Variants in HM13 observed in about 807,000 individuals in gnomAD.
HM13 encodes the protein histocompatibility minor 13.
Under a neutral mutation model 50.0 loss-of-function variants are expected in HM13, and 18 were observed. That is an observed-to-expected ratio of 0.36 (90% CI 0.25 to 0.53). HM13 has a LOEUF of 0.53. Among genes scored for constraint, HM13 ranks in the 20% least tolerant of loss-of-function variants. HM13 has a pLI of 0.90. For synonymous variants in HM13, 197 were observed against 232.6 expected (o/e 0.85, Z 1.39); for missense variants, 393 against 552.4 (o/e 0.71, Z 2.89).
rs563895381 is a variant in HM13, at chr20:31,566,350, G to A, written c.1034+55G>A. On this transcript the variant is annotated intron_variant, in intron 11 of 12. Transcript: ENST00000398174. ...ATGGGCACCAGTGTGCCTGCTGGCA[G>A]TCAGTGGAACCTGCTGGGGGTATCT... is the stretch of plus-strand genomic sequence containing the variant. The A allele has an allele frequency of 1.8e-4, 251 of 1,423,706 alleles. 3 individuals are homozygous for A. In the South Asian group the frequency reaches 2.8e-3, roughly 16 times the overall value. The allele number at this position is 1,423,706 out of a possible 1,614,324, so 88.2% of individuals were successfully genotyped here.
At chr20:31,538,632 G>A (rs956888273) in intron 3 of HM13, 1 of 1,190,598 alleles carries the variant, frequency 8.4e-7, no homozygotes, top group Non-Finnish European at 1.0e-6. Context: ...CCTCACACAT[G>A]ATCGTGTTTC....
At chr20:31,542,093 C>T (rs1983479548) in intron 3 of HM13, among the ~76,000 whole-genome samples, 1 of 152,240 alleles carries the variant, frequency 6.6e-6, no homozygotes, top group Admixed American at 6.5e-5. Context: ...GAGAGCTGCA[C>T]CCGAGCTGTG....
chr20:31,539,516 G>A (rs1311822595), intron 3 of HM13: 2 of 985,372 alleles, frequency 2.0e-6, no homozygotes, highest in African/African-American at 3.5e-5. Context: ...GCCAATATGA[G>A]GCCAGGTGGT....
intron 1 of HM13, among the ~76,000 whole-genome samples, chr20:31,515,618 C>A (rs1346205551): frequency 6.6e-6 from 1 of 152,128 alleles, no homozygotes; most frequent in African/African-American, 2.4e-5. Flanking sequence ...CACTGTTGGC[C>A]CCTCTTGTGA....
rs139668069 is a variant in HM13, at chr20:31,517,968, G to A, written c.183+3234G>A. Among the ~76,000 whole-genome samples the A allele has an allele frequency of 2.5e-3, 383 of 151,802 alleles. 2 individuals are homozygous for A. Among genetic ancestry groups the A allele is most frequent in the African/African-American group, 8.9e-3 (370 of 41,380 alleles). Reference sequence around the variant, plus strand: ...TTACACATTCATTGTATATGTGTCTGTGTATATAGACATGTAAATTTATTT... The same window carrying A: ...TTACACATTCATTGTATATGTGTCTATGTATATAGACATGTAAATTTATTT... On this transcript the variant is annotated intron_variant, in intron 1 of 12. Transcript: ENST00000398174.
intron 1 of HM13, among the ~76,000 whole-genome samples, chr20:31,521,095 C>T (rs1982132939): frequency 6.6e-6 from 1 of 152,192 alleles, no homozygotes; most frequent in Non-Finnish European, 1.5e-5. Flanking sequence ...TTTACATACA[C>T]AAATCTGGTT....
chr20:31,543,638 G>A (rs1446773563), intron 3 of HM13, among the ~76,000 whole-genome samples: 1 of 151,806 alleles, frequency 6.6e-6, no homozygotes, highest in Admixed American at 6.6e-5. Context: ...GGTCTTTAAA[G>A]AGAGTTCCCT....
At chr20:31,561,987 G>A (rs574848452) in intron 10 of HM13, among the ~76,000 whole-genome samples, 3 of 152,340 alleles carry the variant, frequency 2.0e-5, no homozygotes, top group Non-Finnish European at 4.4e-5. Context: ...CCTTCATCAG[G>A]AAGGCAGGAA....
At position 31,532,677 on chromosome 20, in the gene HM13, C is replaced by A. The variant is rs187707665; in HGVS notation, c.282+5095C>A. ...TATCTGTGTGTATGAGTGGGAATTG[C>A]ATTTCCATAAATAGAACTGTGCATT... On this transcript the variant is annotated intron_variant, in intron 2 of 12. Coordinates refer to ENST00000398174, the MANE Select transcript of HM13 (RefSeq NM_178581.3). Among the ~76,000 whole-genome samples, 207 of 152,292 alleles carry A rather than the reference C, an allele frequency of 1.4e-3. 2 individuals carry two copies. Among genetic ancestry groups the A allele is most frequent in the Middle Eastern group, 3.4e-3 (1 of 294 alleles).
At chr20:31,552,081 C>T (rs1600657058) in intron 7 of HM13, among the ~76,000 whole-genome samples, 1 of 151,760 alleles carries the variant, frequency 6.6e-6, no homozygotes, top group Admixed American at 6.6e-5. Flanking sequence ...ACGGGGAGGG[C>T]ATTTCTCCAG....
At chr20:31,532,335 G>T (rs1242433338) in intron 2 of HM13, among the ~76,000 whole-genome samples, 1 of 152,176 alleles carries the variant, frequency 6.6e-6, no homozygotes, top group East Asian at 1.9e-4. Context: ...TGAGGCAGGA[G>T]AATCGCTTGA....
intron 8 of HM13, among the ~76,000 whole-genome samples, chr20:31,557,454 GT>G (rs532490738): frequency 4.1e-4 from 62 of 152,284 alleles, no homozygotes; most frequent in African/African-American, 1.3e-3. Flanking sequence ...ACAGTGGAGC[GT>G]TGTTTGGAAG....
rs1210808246 is a variant in HM13, at chr20:31,527,571, C to A, written c.271C>A (p.Leu91Ile). The A allele has an allele frequency of 1.2e-6, 2 of 1,611,242 alleles. No homozygotes were observed. The highest frequency in any genetic ancestry group is 1.3e-5 in the African/African-American group (1 of 74,808). Reference sequence around the variant, plus strand: ...CAGCTGCACACTCTTGGGGCTCTACCTCTTTTTCAAAGTAAGTCTTTTGCC... The same window carrying A: ...CAGCTGCACACTCTTGGGGCTCTACATCTTTTTCAAAGTAAGTCTTTTGCC... Reference protein sequence around the residue: ...IASCTLLGLYLFFKIFSQEYI... With the variant: ...IASCTLLGLYIFFKIFSQEYI... Residue 91 changes from leucine (L) to isoleucine (I), a missense_variant, in exon 2 of 13, where the codon CTC (leucine) becomes ATC (isoleucine). Leu to Ile is a conservative substitution (Grantham distance 5). Transcript: ENST00000398174.
At chr20:31,520,756 G>A (rs1982108607) in intron 1 of HM13, among the ~76,000 whole-genome samples, 1 of 152,202 alleles carries the variant, frequency 6.6e-6, no homozygotes, top group African/African-American at 2.4e-5. Flanking sequence ...CAAAGGATTG[G>A]GGTGGGAAGT....
In HM13 at chr20:31,569,389, TCTTGG is replaced by T. The variant is rs1985135243; in HGVS notation, c.*172_*176del. On this transcript the variant is annotated 3_prime_UTR_variant, in exon 13 of 13. Coordinates refer to ENST00000398174, the MANE Select transcript of HM13 (RefSeq NM_178581.3). The stretch of plus-strand genomic sequence containing the variant: ...TGTGGCCTCTGTTTCCTTCTCCCTT[TCTTGG>T]CCCTCCTCTGCTCCTCCCCACACCC... The T allele has an allele frequency of 2.0e-6, 1 of 507,982 alleles. No homozygotes were observed. The highest frequency in any genetic ancestry group is 3.6e-6 in the Non-Finnish European group (1 of 275,452). The allele number at this position is 507,982 out of a possible 1,614,324, so 31.5% of individuals were successfully genotyped here. A position where few individuals can be genotyped will look rare whatever the true frequency, so the allele number is the denominator to read the frequency against.
rs1983627422 is a variant in HM13 at position 31,544,916 on chromosome 20, G to A, written c.366-31G>A. ...AAGGCTGACTGCCCATGGGGGCTCT[G>A]TTTGCCGACTTGCTTTGTCTTTCCT... On this transcript the variant is annotated intron_variant, in intron 3 of 12. Transcript: ENST00000398174. 4 of 1,601,190 alleles carry A rather than the reference G, an allele frequency of 2.5e-6. 1 individual carries two copies. The Admixed American group carries it at 6.7e-5, about 27-fold the overall frequency.
chr20:31,558,834 C>T (rs922089819), intron 8 of HM13, among the ~76,000 whole-genome samples: 90 of 152,096 alleles, frequency 5.9e-4, no homozygotes, highest in Non-Finnish European at 1.5e-4. Flanking sequence ...AGCGATTCTC[C>T]TGCCTCAGCC....
intron 1 of HM13, among the ~76,000 whole-genome samples, chr20:31,518,894 A>G (rs1188250922): frequency 1.3e-5 from 2 of 151,704 alleles, no homozygotes; most frequent in Non-Finnish European, 2.9e-5. Context: ...GATCTACCTC[A>G]TCTTTTATGG....
rs1272287412 is a variant in HM13, at chr20:31,551,769, AG to A, written c.724+1649del. ...GGGGGAGATTCCACTCAGGGGATCA[AG>A]AAACAGCTGTCTTTCTCGTGACTCA... On this transcript the variant is annotated intron_variant, in intron 7 of 12. Transcript: ENST00000398174. Among the ~76,000 whole-genome samples, 4 of 152,322 alleles carry A rather than the reference AG, an allele frequency of 2.6e-5. No individual in the cohort carries two copies. The East Asian group carries it at 7.7e-4, about 29-fold the overall frequency.
Sources: allele counts gnomAD v4.1 joint callset (sites outside exome capture counted in the v4.1 genomes callset), GRCh38; gene constraint gnomAD v4.1.1; transcripts MANE v1.5; gene names NCBI Gene and HGNC (gene_info 2026-07-23, HGNC 2026-07-21).